The following MYH7 variants were observed in gnomAD, a reference collection of about 807,000 sequenced individuals.
The protein encoded by MYH7 is myosin heavy chain 7, also known as myosin-7.
A neutral mutation model predicts 225.4 loss-of-function variants in MYH7; 129 were observed. The observed-to-expected ratio is 0.57, with a 90% CI of 0.50 to 0.66. The LOEUF (loss-of-function observed/expected upper bound fraction) is 0.66, where lower values mean the gene tolerates loss of function less well. Among genes scored for constraint, MYH7 ranks in the 30% least tolerant of loss-of-function variants. The probability of loss-of-function intolerance (pLI) is 0.00; values close to 1 mark genes in which losing one functional copy is unlikely to be tolerated. For missense variants in MYH7, 1,649 were observed against 2,517.0 expected, an observed-to-expected ratio of 0.66 and a Z score of 7.38; for synonymous variants, 971 against 1,007.6, an observed-to-expected ratio of 0.96 and a Z score of 0.69.
chr14:23,427,944 A>G (rs368159085), intron 15 of MYH7, 50 bp from the exon 16 acceptor site: 12 of 1,608,870 alleles, frequency 7.5e-6, no homozygotes, highest in African/African-American at 4.0e-5. Flanking sequence ...ACAGGTGGAC[A>G]TGGATTCTGC....
At chr14:23,414,575 A>G (rs1415282656) in intron 37 of MYH7, among the ~76,000 whole-genome samples, 1 of 152,194 alleles carries the variant, frequency 6.6e-6, no homozygotes, top group Admixed American at 6.5e-5. Flanking sequence ...TCTAATTCAG[A>G]GTCTGATTCT....
In MYH7 at chr14:23,418,398, G is replaced by T. The variant is rs141764279; in HGVS notation, c.3981C>A (p.Asn1327Lys). The T allele has an allele frequency of 5.1e-5, 82 of 1,606,190 alleles. No homozygotes were observed. Among genetic ancestry groups the T allele is most frequent in the Non-Finnish European group, 9.4e-6 (11 of 1,174,676 alleles). Reference protein sequence around the residue: ...RQLEEEVKAKNALAHALQSAR... With the variant: ...RQLEEEVKAKKALAHALQSAR... ...CCGACTGCAGTGCGTGGGCCAGGGCGTTCTTCGCCTGGGGAGGGGTGGGCA... is the reference window on the plus strand; with the variant it reads ...CCGACTGCAGTGCGTGGGCCAGGGCTTTCTTCGCCTGGGGAGGGGTGGGCA... Residue 1327 changes from asparagine to lysine, a missense_variant, in exon 30 of 40, where the codon AAC becomes AAA. Physicochemically the swap from Asn to Lys is moderately conservative, Grantham distance 94. This residue lies in a region of MYH7 where 687 missense variants were observed against 913.8 expected (regional missense o/e 0.75). Coordinates refer to ENST00000355349, the MANE Select transcript of MYH7 (RefSeq NM_000257.4).
At chr14:23,423,426 C>T (rs1892557309) in intron 24 of MYH7, 121 bp downstream of exon 24, 1 of 1,349,878 alleles carries the variant, frequency 7.4e-7, no homozygotes, top group Non-Finnish European at 1.0e-6. Context: ...CCCCTCTAAA[C>T]ATAAACACAA....
rs2331979 is a variant in MYH7, at chr14:23,413,646, A to G, written c.5790+113T>C. 0.36 allele frequency: 517,181 copies of G among 1,443,166 alleles called. 100,985 individuals are homozygous for G. Among genetic ancestry groups the G allele is most frequent in the African/African-American group, 0.68 (48,200 of 70,882 alleles). 89.4% of individuals were successfully genotyped at this position (1,443,166 alleles called of 1,614,324 possible). A position where few individuals can be genotyped will look rare whatever the true frequency, so the allele number is the denominator to read the frequency against. On this transcript the variant is annotated intron_variant, in intron 39 of 39. Coordinates refer to ENST00000355349, the MANE Select transcript of MYH7 (RefSeq NM_000257.4). ...CTGCATTACCTTGGCCTCTGGGGCC[A>G]TGTGGCTCAAGTGTGTGGAATAAAT...
chr14:23,431,627 A>C lies in MYH7; in HGVS notation c.690T>G (p.Phe230Leu), dbSNP rs1892945237. 6.2e-7 allele frequency: 1 copy of C among 1,614,120 alleles called. No homozygotes were observed. Among genetic ancestry groups the C allele is most frequent in the African/African-American group, 1.3e-5 (1 of 74,944 alleles). Residue 230 changes from phenylalanine (F) to leucine (L), a missense_variant, in exon 8 of 40, where the codon TTT becomes TTG. Around this residue, in one of 12 missense-constraint regions of MYH7, gnomAD observed 131 missense variants for 231.3 expected, o/e 0.57. Transcript: ENST00000355349. ...CGTTCCGGACGGTCTTGGCATTGCC[A>C]AAGGCCTCCAGAGCAGGGTTGGCCT... Reference protein sequence around the residue: ...IIQANPALEAFGNAKTVRNDN... With the variant: ...IIQANPALEALGNAKTVRNDN...
intron 27 of MYH7, 95 bp downstream of exon 27, chr14:23,419,750 G>A (rs768579091): frequency 6.2e-7 from 1 of 1,612,984 alleles, no homozygotes. Context: ...AGGAAGGGAA[G>A]TGGGAAAATG....
Position 23,415,878 on chromosome 14 carries a change from CCCTTCACTAAAGGCA to C in MYH7, c.4954-61_4954-47del. ...CATGAGCAGGGAGCCAGCCTCGGTT[CCCTTCACTAAAGGCA>C]CCTGTCAGAGGTCCCTGCAGTAACC... On this transcript the variant is annotated intron_variant, in intron 34 of 39. Transcript: ENST00000355349. The surrounding 1 kb of genome is among the most constrained non-coding windows in gnomAD (Gnocchi z 6.3). 1 of 1,613,762 alleles carries C rather than the reference CCCTTCACTAAAGGCA, an allele frequency of 6.2e-7. No individual in the cohort carries two copies.
chr14:23,432,992 T>C, intron 4 of MYH7, 92 bp downstream of exon 4: 1 of 1,585,116 alleles, frequency 6.3e-7, no homozygotes, highest in African/African-American at 1.3e-5. Flanking sequence ...TAACCCTGCC[T>C]AGACACAAAC....
At chr14:23,413,985 A>G (rs780657149) in intron 38 of MYH7, 22 bp downstream of exon 38, 3 of 1,614,096 alleles carry the variant, frequency 1.9e-6, no homozygotes, top group Non-Finnish European at 2.5e-6. Flanking sequence ...CCCTGGGCCT[A>G]GTCCCCAGCA....
chr14:23,434,792 TCAGAGAGAAGA>T (rs1893080784), intron 1 of MYH7, among the ~76,000 whole-genome samples: 1 of 152,178 alleles, frequency 6.6e-6, no homozygotes, highest in Non-Finnish European at 1.5e-5. Flanking sequence ...GTGGACATTC[TCAGAGAGAAGA>T]CACTGTGGGC....
intron 14 of MYH7, 96 bp downstream of exon 14, chr14:23,428,859 T>C: frequency 1.3e-6 from 2 of 1,599,218 alleles, no homozygotes; most frequent in South Asian, 2.2e-5. Context: ...CCCACTGCCT[T>C]CCCATGTCTG....
rs762398027 is a variant in MYH7 at position 23,415,750 on chromosome 14, T to C, written c.5036A>G (p.Asn1679Ser). The part of the protein sequence containing the change: ...ENIAIVERRN[N>S]LLQAELEELR... ...CTCCTCCAGCTCAGCCTGCAGCAGG[T>C]TGTTGCGCCGCTCCACGATGGCGAT... Residue 1679 changes from asparagine (N) to serine (S), a missense_variant, in exon 35 of 40, where the codon AAC becomes AGC. Around this residue, in one of 12 missense-constraint regions of MYH7, gnomAD observed 687 missense variants for 913.8 expected, o/e 0.75. Transcript: ENST00000355349. The surrounding 1 kb of genome is among the most constrained non-coding windows in gnomAD (Gnocchi z 6.3). The C allele has an allele frequency of 6.2e-7, 1 of 1,614,156 alleles. No individual in the cohort carries two copies. Among genetic ancestry groups the C allele is most frequent in the South Asian group, 1.1e-5 (1 of 91,082 alleles).
intron 33 of MYH7, 39 bp from the exon 34 acceptor site, chr14:23,416,351 C>T (rs1417431904): frequency 6.3e-7 from 1 of 1,598,832 alleles, no homozygotes; most frequent in South Asian, 1.1e-5. Context: ...GGCAGACAGT[C>T]AGGGCACAGG....
intron 27 of MYH7, 100 bp downstream of exon 27, chr14:23,419,744 AG>A (rs1160198881): frequency 6.8e-6 from 11 of 1,612,582 alleles, no homozygotes; most frequent in Non-Finnish European, 9.3e-6. Flanking sequence ...AGGCAGAGGA[AG>A]GGAAGTGGGA....
In MYH7 at chr14:23,415,760, G is replaced by A. The variant is rs753115999; in HGVS notation, c.5026C>T (p.Arg1676Trp). The change falls in exon 35 of 40, where the codon CGG (arginine) becomes TGG (tryptophan). Residue 1676 changes from arginine to tryptophan, a missense_variant. Arg to Trp is a moderately radical substitution (Grantham distance 101). This residue lies in a region of MYH7 where 687 missense variants were observed against 913.8 expected (regional missense o/e 0.75). Transcript: ENST00000355349. This position sits in a 1 kb window ranked among gnomAD's most constrained non-coding sequence, Gnocchi z 6.3. ...DLKENIAIVE[R>W]RNNLLQAELE... is the part of the protein sequence containing the mutation. The stretch of plus-strand genomic sequence containing the variant: ...TCAGCCTGCAGCAGGTTGTTGCGCC[G>A]CTCCACGATGGCGATGTTCTCCTTC... 1.2e-5 allele frequency: 19 copies of A among 1,614,046 alleles called. No individual in the cohort carries two copies. Among genetic ancestry groups the A allele is most frequent in the South Asian group, 2.2e-5 (2 of 91,088 alleles).
rs1214566533 is a variant in MYH7, at chr14:23,425,333, TG to T, written c.2371del (p.Gln791SerfsTer23). The part of the protein sequence containing the change: ...LSRIITRIQA[Q>X]SRGVLARMEY... Reference sequence around the variant, plus strand: ...CATTCTGGCGAGCACACCTCGGGACTGGGCCTGGATACGCGTGATGATGCGG... The same window carrying T: ...CATTCTGGCGAGCACACCTCGGGACTGGCCTGGATACGCGTGATGATGCGG... On this transcript the variant is annotated frameshift_variant, in exon 21 of 40. Coordinates refer to ENST00000355349, the MANE Select transcript of MYH7 (RefSeq NM_000257.4). LOFTEE classifies it high-confidence loss of function. The surrounding 1 kb of genome is among the most constrained non-coding windows in gnomAD (Gnocchi z 4.6). 2 of 1,614,198 alleles carry T rather than the reference TG, an allele frequency of 1.2e-6. No individual in the cohort carries two copies. Among genetic ancestry groups the T allele is most frequent in the Non-Finnish European group, 1.7e-6 (2 of 1,180,034 alleles).
At chr14:23,414,142 G>A in intron 37 of MYH7, 40 bp from the exon 38 acceptor site, 1 of 1,572,278 alleles carries the variant, frequency 6.4e-7, no homozygotes. Flanking sequence ...AGATGGCACA[G>A]TCATAGAAGG....
intron 17 of MYH7, 149 bp downstream of exon 17, chr14:23,427,091 G>C (rs1181844503): frequency 7.0e-6 from 6 of 854,188 alleles, no homozygotes; most frequent in South Asian, 5.8e-5. Context: ...AGGAGATGAC[G>C]GGAAGAGAAG....
intron 12 of MYH7, 80 bp downstream of exon 12, chr14:23,429,695 A>G: frequency 6.4e-7 from 1 of 1,565,968 alleles, no homozygotes; most frequent in Non-Finnish European, 8.6e-7. Context: ...AAAAAAAGAA[A>G]AAAGAGAAGA....
Sources: allele counts gnomAD v4.1 joint callset (sites outside exome capture counted in the v4.1 genomes callset), GRCh38; gene constraint gnomAD v4.1.1; regional missense constraint gnomAD v4.1.1; non-coding constraint Gnocchi (gnomAD v3.1); transcripts MANE v1.5; gene names NCBI Gene and HGNC (gene_info 2026-07-23, HGNC 2026-07-21).